Variants in ZZZ3 observed in about 807,000 individuals in gnomAD.
The protein encoded by ZZZ3 is zinc finger ZZ-type containing 3.
In ZZZ3, 22 loss-of-function variants were observed where a neutral mutation model predicts 95.2. The observed-to-expected ratio is 0.23, with a 90% CI of 0.17 to 0.33. The LOEUF (loss-of-function observed/expected upper bound fraction) is 0.33. Ranked by LOEUF, ZZZ3 falls within the 10% of genes least tolerant of loss-of-function variation. The pLI is 1.00. For missense variants in ZZZ3, 885 were observed against 1,066.5 expected (o/e 0.83, Z 2.37); for synonymous variants, 335 against 358.9 (o/e 0.93, Z 0.75).
chr1:77,616,047 G>A (rs1247524671), intron 5 of ZZZ3, among the ~76,000 whole-genome samples: 1 of 151,976 alleles, frequency 6.6e-6, no homozygotes, highest in African/African-American at 2.4e-5. Flanking sequence ...TATACACTGA[G>A]TTATTTTTAT....
At chr1:77,603,544 G>C (rs1311311391) in intron 5 of ZZZ3, among the ~76,000 whole-genome samples, 1 of 152,144 alleles carries the variant, frequency 6.6e-6, no homozygotes, top group Non-Finnish European at 1.5e-5. Flanking sequence ...CTAAGGGTCA[G>C]GTTTCCCAAA....
At chr1:77,634,932 A>AC (rs1329316951) in intron 4 of ZZZ3, among the ~76,000 whole-genome samples, 1 of 152,174 alleles carries the variant, frequency 6.6e-6, no homozygotes, top group Non-Finnish European at 1.5e-5. Flanking sequence ...TTAGTTAGAG[A>AC]AAGAGGCCAG....
intron 5 of ZZZ3, among the ~76,000 whole-genome samples, chr1:77,593,114 T>TG (rs896356757): frequency 1.3e-5 from 2 of 152,126 alleles, no homozygotes; most frequent in Admixed American, 6.5e-5. Flanking sequence ...GCCCAGCCCT[T>TG]GGGTTGGGAT....
chr1:77,670,222 T>C lies in ZZZ3; in HGVS notation c.-403+12363A>G, dbSNP rs574004723. Among the ~76,000 whole-genome samples, 4 of 151,976 alleles carry C rather than the reference T, an allele frequency of 2.6e-5. No individual in the cohort carries two copies. In the East Asian group the frequency reaches 7.7e-4, roughly 29 times the overall value. Reference sequence around the variant, plus strand: ...TACTGAATTGCATTGTTGTCCTCTTTAATAAACCAGTACTGTCCTTGAACA... The same window carrying C: ...TACTGAATTGCATTGTTGTCCTCTTCAATAAACCAGTACTGTCCTTGAACA... On this transcript the variant is annotated intron_variant, in intron 1 of 14. Transcript: ENST00000370801.
intron 5 of ZZZ3, among the ~76,000 whole-genome samples, chr1:77,609,506 C>T (rs962330632): frequency 6.6e-5 from 10 of 152,036 alleles, no homozygotes; most frequent in African/African-American, 2.4e-4. Flanking sequence ...AACAAAGAAA[C>T]AGCAGACTTA....
At chr1:77,608,843 T>C (rs1362337731) in intron 5 of ZZZ3, among the ~76,000 whole-genome samples, 1 of 152,100 alleles carries the variant, frequency 6.6e-6, no homozygotes, top group Non-Finnish European at 1.5e-5. Context: ...GGGTTAAAGA[T>C]AGTCTCTGCA....
intron 5 of ZZZ3, among the ~76,000 whole-genome samples, chr1:77,609,703 A>G (rs911841573): frequency 2.6e-5 from 4 of 152,138 alleles, no homozygotes; most frequent in African/African-American, 9.6e-5. Context: ...TCTGATCACA[A>G]TGGAATAAAA....
At position 77,580,780 on chromosome 1, in the gene ZZZ3, CG is replaced by C. The variant is rs1364069786; in HGVS notation, c.1980+217del. 3 of 432,534 alleles carry C rather than the reference CG, an allele frequency of 6.9e-6. No homozygotes were observed. The East Asian group carries it at 1.2e-4, about 18-fold the overall frequency. The allele number at this position is 432,534 out of a possible 1,614,324, so 26.8% of individuals were successfully genotyped here. ...GAGTAGCTGGGATTATATATGCACA[CG>C]CCATCACACCCGGCTAATTTTTGTA... On this transcript the variant is annotated intron_variant, in intron 9 of 14. Coordinates refer to ENST00000370801, the MANE Select transcript of ZZZ3 (RefSeq NM_015534.6).
intron 5 of ZZZ3, among the ~76,000 whole-genome samples, chr1:77,622,234 G>C (rs1057383607): frequency 6.6e-6 from 1 of 151,896 alleles, no homozygotes; most frequent in African/African-American, 2.4e-5. Flanking sequence ...TTGAGCCGGA[G>C]GGGCTGAGGC....
At chr1:77,575,446 C>A (rs1661832603) in intron 12 of ZZZ3, among the ~76,000 whole-genome samples, 1 of 152,170 alleles carries the variant, frequency 6.6e-6, no homozygotes, top group African/African-American at 2.4e-5. Context: ...GTCCTGCCCA[C>A]CCTAACAAAC....
intron 4 of ZZZ3, among the ~76,000 whole-genome samples, chr1:77,636,963 C>T (rs1267762542): frequency 1.3e-5 from 2 of 152,124 alleles, no homozygotes; most frequent in African/African-American, 4.8e-5. Context: ...TGAAAGAGAA[C>T]TTGTTTTATA....
At chr1:77,670,726 G>T (rs1454429270) in intron 1 of ZZZ3, among the ~76,000 whole-genome samples, 1 of 151,140 alleles carries the variant, frequency 6.6e-6, no homozygotes, top group African/African-American at 2.4e-5. Context: ...AGTAGTAGTA[G>T]TGTTTGTTCT....
At chr1:77,634,467 A>C (rs915521313) in intron 4 of ZZZ3, among the ~76,000 whole-genome samples, 2 of 152,194 alleles carry the variant, frequency 1.3e-5, no homozygotes, top group Non-Finnish European at 1.5e-5. Context: ...AAGCAAACCC[A>C]AGCCTTCCTA....
chr1:77,662,447 C>A (rs975117144), intron 1 of ZZZ3, among the ~76,000 whole-genome samples: 1 of 152,070 alleles, frequency 6.6e-6, no homozygotes, highest in African/African-American at 2.4e-5. Context: ...CCTCACCCAA[C>A]AGGTATTTTT....
At chr1:77,606,919 T>G (rs1304590852) in intron 5 of ZZZ3, among the ~76,000 whole-genome samples, 1 of 152,194 alleles carries the variant, frequency 6.6e-6, no homozygotes, top group Non-Finnish European at 1.5e-5. Context: ...GTCCAGACAC[T>G]GTAGTAGATG....
At chr1:77,613,674 T>A (rs1386626746) in intron 5 of ZZZ3, among the ~76,000 whole-genome samples, 1 of 152,042 alleles carries the variant, frequency 6.6e-6, no homozygotes, top group Non-Finnish European at 1.5e-5. Context: ...TAGAATAAAA[T>A]AAAGACATCC....
At chr1:77,602,887 G>A (rs374301669) in intron 5 of ZZZ3, among the ~76,000 whole-genome samples, 1 of 151,932 alleles carries the variant, frequency 6.6e-6, no homozygotes. Context: ...TACAACATGA[G>A]TCACCACGCT....
intron 1 of ZZZ3, among the ~76,000 whole-genome samples, chr1:77,680,186 T>C (rs1672625458): frequency 6.6e-6 from 1 of 152,240 alleles, no homozygotes; most frequent in Non-Finnish European, 1.5e-5. Flanking sequence ...CAATTAAGTA[T>C]AACCTTAAGC....
At chr1:77,569,368 T>C (rs1473805592) in intron 12 of ZZZ3, among the ~76,000 whole-genome samples, 2 of 152,050 alleles carry the variant, frequency 1.3e-5, no homozygotes, top group East Asian at 3.9e-4. Context: ...TGTATTAAGT[T>C]GAAGTATCCC....
Sources: allele counts gnomAD v4.1 joint callset (sites outside exome capture counted in the v4.1 genomes callset), GRCh38; gene constraint gnomAD v4.1.1; transcripts MANE v1.5; gene names NCBI Gene and HGNC (gene_info 2026-07-23, HGNC 2026-07-21).